The following FRMPD4 variants were observed in gnomAD, a reference collection of about 807,000 sequenced individuals.
FRMPD4 encodes FERM and PDZ domain-containing protein 4.
In FRMPD4, 22 loss-of-function variants were observed where a neutral mutation model predicts 94.1. That is an observed-to-expected ratio of 0.23 (90% CI 0.17 to 0.33). The LOEUF is 0.33. Among genes scored for constraint, FRMPD4 ranks in the 10% least tolerant of loss-of-function variants. The pLI is 1.00. For synonymous variants in FRMPD4, 631 were observed against 548.6 expected (o/e 1.15, Z -2.10); for missense variants, 1,111 against 1,339.9 (o/e 0.83, Z 2.67).
chrX:12,704,446 T>C lies in FRMPD4; in HGVS notation c.1158T>C (p.Leu386=), dbSNP rs769816065. 5.9e-6 allele frequency: 7 copies of C among 1,189,407 alleles called. No homozygotes were observed. The South Asian group carries it at 1.3e-4, about 22-fold the overall frequency. ...EKNIKKALSH[L]VKANQNLVPP... ...ACATAAAGAAAGCACTTTCACACCT[T>C]GTCAAAGCAAATCAAAACTTGGTAC... Residue 386 remains leucine, a synonymous_variant, in exon 11 of 17, where the codon CTT becomes CTC. Transcript: ENST00000675598.
chrX:12,069,928 G>A (rs893085905), intron 3 of FRMPD4, among the ~76,000 whole-genome samples: 54 of 111,780 alleles, frequency 4.8e-4, no homozygotes, highest in Non-Finnish European at 6.6e-4. Flanking sequence ...GAGAAAAAAC[G>A]ACCTGATGGC....
At chrX:11,916,924 G>A (rs1321697427) in intron 3 of FRMPD4, among the ~76,000 whole-genome samples, 1 of 111,449 alleles carries the variant, frequency 9.0e-6, no homozygotes, top group Non-Finnish European at 1.9e-5. Context: ...CATAAGGCAC[G>A]GGCACATGAT....
At chrX:12,185,252 G>A (rs970614) in intron 1 of FRMPD4, among the ~76,000 whole-genome samples, 3 of 110,338 alleles carry the variant, frequency 2.7e-5, no homozygotes, top group Non-Finnish European at 5.7e-5. Context: ...CCTCAGCTCC[G>A]ACTTTAAAAG....
At chrX:12,059,463 T>C (rs1241112708) in intron 3 of FRMPD4, among the ~76,000 whole-genome samples, 1 of 111,169 alleles carries the variant, frequency 9.0e-6, no homozygotes, top group Non-Finnish European at 1.9e-5. Flanking sequence ...AGTGTCACAA[T>C]TTTTTTTCAA....
chrX:12,686,223 C>T lies in FRMPD4; in HGVS notation c.681+19C>T, dbSNP rs1379524560. 8.1e-6 allele frequency: 7 copies of T among 859,088 alleles called. No individual in the cohort carries two copies. The highest frequency in any genetic ancestry group is 1.2e-5 in the Non-Finnish European group (7 of 577,893). The allele number at this position is 859,088 out of a possible 1,213,427, so 70.8% of individuals were successfully genotyped here. A position where few individuals can be genotyped will look rare whatever the true frequency, so the allele number is the denominator to read the frequency against. The stretch of plus-strand genomic sequence containing the variant: ...CATTAAGGTAAGATGACCTGGTAAA[C>T]TCTGTCCCTGGACGCTTTCAGGTAC... On this transcript the variant is annotated intron_variant, in intron 7 of 16. Transcript: ENST00000675598.
At chrX:12,126,365 A>G (rs1474341148) in intron 3 of FRMPD4, among the ~76,000 whole-genome samples, 6 of 112,347 alleles carry the variant, frequency 5.3e-5, no homozygotes, top group African/African-American at 1.9e-4. Flanking sequence ...GGTCAGAGAC[A>G]AAGCTGGTTC....
At chrX:12,181,792 G>T (rs1339602142) in intron 1 of FRMPD4, among the ~76,000 whole-genome samples, 1 of 111,639 alleles carries the variant, frequency 9.0e-6, no homozygotes, top group Non-Finnish European at 1.9e-5. Context: ...TTCAGAGGCT[G>T]CATGCCAATG....
intron 9 of FRMPD4, among the ~76,000 whole-genome samples, chrX:12,698,606 G>T (rs767813393): frequency 9.2e-6 from 1 of 109,004 alleles, no homozygotes; most frequent in East Asian, 2.9e-4. Flanking sequence ...AGCATGATTA[G>T]TACCAAATAT....
chrX:12,132,239 GAA>G (rs35315847), intron 3 of FRMPD4, among the ~76,000 whole-genome samples: 45 of 103,604 alleles, frequency 4.3e-4, no homozygotes, highest in Admixed American at 1.7e-3. Flanking sequence ...GTTTAGGAGG[GAA>G]AAAAAAAAAG....
At chrX:12,112,053 C>A (rs1352620620) in intron 3 of FRMPD4, among the ~76,000 whole-genome samples, 2 of 111,003 alleles carry the variant, frequency 1.8e-5, no homozygotes, top group African/African-American at 3.3e-5. Flanking sequence ...TTGACCCAGC[C>A]ATCCCATTAC....
intron 3 of FRMPD4, among the ~76,000 whole-genome samples, chrX:11,978,405 T>G (rs1430039464): frequency 9.1e-6 from 1 of 109,655 alleles, no homozygotes. Context: ...TAGAATTTTA[T>G]TTTTGGTTTA....
chrX:12,429,417 CTG>C lies in FRMPD4; in HGVS notation c.42-69260_42-69259del, dbSNP rs1268459810. On this transcript the variant is annotated intron_variant, in intron 1 of 16. Transcript: ENST00000675598. Reference sequence around the variant, plus strand: ...TGCCTCACTCTTTCTCCCACTGTAACTGTGCCTCTGACTGCTAAAACCTTCTG... The same window carrying C: ...TGCCTCACTCTTTCTCCCACTGTAACTGCCTCTGACTGCTAAAACCTTCTG... Among the ~76,000 whole-genome samples, 7 of 111,671 alleles carry C rather than the reference CTG, an allele frequency of 6.3e-5. No homozygotes were observed. The East Asian group carries it at 2.0e-3, about 32-fold the overall frequency.
Position 12,718,377 on chromosome X carries a change from A to T in FRMPD4, c.3551A>T (p.Asp1184Val). Residue 1184 changes from aspartate (D) to valine (V), a missense_variant, in exon 16 of 17, where the codon GAT (aspartate) becomes GTT (valine). By Grantham distance (152) the Asp-to-Val change is radical (BLOSUM62 -3). Transcript: ENST00000675598. Reference protein sequence around the residue: ...CDHPSKLPEADESVARLCDYH... With the variant: ...CDHPSKLPEAVESVARLCDYH... ...CATCCTTCCAAGCTTCCTGAGGCTG[A>T]TGAGAGTGTGGCCCGCCTTTGTGAC... 8.3e-7 allele frequency: 1 copy of T among 1,211,900 alleles called. No homozygotes were observed. The highest frequency in any genetic ancestry group is 1.1e-6 in the Non-Finnish European group (1 of 895,493).
At chrX:12,669,344 G>A (rs2059815617) in intron 4 of FRMPD4, among the ~76,000 whole-genome samples, 1 of 111,663 alleles carries the variant, frequency 9.0e-6, no homozygotes, top group South Asian at 3.8e-4. Flanking sequence ...CTTCCCAAAC[G>A]AGCTCCCATA....
intron 4 of FRMPD4, among the ~76,000 whole-genome samples, chrX:12,655,976 C>G (rs892695716): frequency 1.8e-5 from 2 of 112,250 alleles, no homozygotes; most frequent in African/African-American, 6.5e-5. Flanking sequence ...ACTGACAAAG[C>G]TTTAACTACT....
At chrX:12,582,834 A>G (rs1602164219) in intron 2 of FRMPD4, among the ~76,000 whole-genome samples, 1 of 112,421 alleles carries the variant, frequency 8.9e-6, no homozygotes, top group Non-Finnish European at 1.9e-5. Context: ...AGAAGGCAGC[A>G]TGTAGTGAAA....
intron 3 of FRMPD4, among the ~76,000 whole-genome samples, chrX:12,129,411 C>A (rs1308333922): frequency 9.0e-6 from 1 of 111,404 alleles, no homozygotes; most frequent in African/African-American, 3.3e-5. Context: ...ACGAGAACAG[C>A]ATGGGGGTAA....
At position 12,482,625 on chromosome X, in the gene FRMPD4, T is replaced by A. The variant is rs903036469; in HGVS notation, c.42-16055T>A. 1.3e-4 allele frequency among the ~76,000 whole-genome samples: 15 copies of A among 112,245 alleles called. 1 individual carries two copies. The highest frequency in any genetic ancestry group is 1.3e-3 in the Admixed American group (14 of 10,631). Reference sequence around the variant, plus strand: ...TATAGAAGAGCACAGTCCAATAAAATTATAACATGAACCATGTATGTTATT... The same window carrying A: ...TATAGAAGAGCACAGTCCAATAAAAATATAACATGAACCATGTATGTTATT... On this transcript the variant is annotated intron_variant, in intron 1 of 16. Coordinates refer to ENST00000675598, the MANE Select transcript of FRMPD4 (RefSeq NM_001368397.1).
intron 1 of FRMPD4, among the ~76,000 whole-genome samples, chrX:12,410,675 T>G (rs2056721458): frequency 8.9e-6 from 1 of 111,814 alleles, no homozygotes; most frequent in African/African-American, 3.3e-5. Context: ...TCTCTTTTCT[T>G]AACCCCCAAC....
Sources: allele counts gnomAD v4.1 joint callset (sites outside exome capture counted in the v4.1 genomes callset), GRCh38; gene constraint gnomAD v4.1.1; transcripts MANE v1.5; gene names NCBI Gene and HGNC (gene_info 2026-07-23, HGNC 2026-07-21).